Variants in HSP90AB1 observed in about 807,000 individuals in gnomAD.
The protein encoded by HSP90AB1 is heat shock protein 90 alpha family class B member 1.
In HSP90AB1, 17 loss-of-function variants were observed where a neutral mutation model predicts 67.8. The observed-to-expected ratio is 0.25, with a 90% CI of 0.17 to 0.38. The LOEUF (loss-of-function observed/expected upper bound fraction) is 0.38, where lower values mean the gene tolerates loss of function less well. Among genes scored for constraint, HSP90AB1 ranks in the 10% least tolerant of loss-of-function variants. HSP90AB1 has a pLI of 1.00. For missense variants in HSP90AB1, 690 were observed against 899.9 expected, an observed-to-expected ratio of 0.77 and a Z score of 2.98; for synonymous variants, 390 against 312.9, an observed-to-expected ratio of 1.25 and a Z score of -2.60.
chr6:44,250,062 A>G lies in HSP90AB1; in HGVS notation c.556A>G (p.Lys186Glu). 6.2e-7 allele frequency: 1 copy of G among 1,614,156 alleles called. No homozygotes were observed. Residue 186 changes from lysine to glutamate, a missense_variant, in exon 5 of 12, where the codon AAA (lysine) becomes GAA (glutamate). Coordinates refer to ENST00000371646, the MANE Select transcript of HSP90AB1 (RefSeq NM_007355.4). The part of the protein sequence containing the change: ...GRGTKVILHL[K>E]EDQTEYLEER... ...GGGTACCAAAGTGATCCTCCATCTT[A>G]AAGAAGATCAGACAGAGTACCTAGA...
Position 44,249,458 on chromosome 6 carries a change from C to T in HSP90AB1, c.229C>T (p.Pro77Ser). ...SGKELKIDII[P>S]NPQERTLTLV... ...TAAAGAGCTGAAAATTGACATCATC[C>T]CCAACCCTCAGGAACGTACCCTGAC... Residue 77 changes from proline (P) to serine (S), a missense_variant, in exon 3 of 12, where the codon CCC (proline) becomes TCC (serine). Physicochemically the swap from Pro to Ser is moderately conservative, Grantham distance 74. Around this residue, in one of 7 missense-constraint regions of HSP90AB1, gnomAD observed 88 missense variants for 167.7 expected, o/e 0.52. Coordinates refer to ENST00000371646, the MANE Select transcript of HSP90AB1 (RefSeq NM_007355.4). The T allele has an allele frequency of 6.2e-7, 1 of 1,613,954 alleles. No homozygotes were observed. The highest frequency in any genetic ancestry group is 8.5e-7 in the Non-Finnish European group (1 of 1,179,880).
rs766111101 is a variant in HSP90AB1 at position 44,253,248 on chromosome 6, C to G, written c.1935C>G (p.Asp645Glu). 4 of 1,614,110 alleles carry G rather than the reference C, an allele frequency of 2.5e-6. No homozygotes were observed. Among genetic ancestry groups the G allele is most frequent in the Non-Finnish European group, 2.5e-6 (3 of 1,180,050 alleles). Residue 645 changes from aspartate to glutamate, a missense_variant, in exon 11 of 12, where the codon GAC (aspartate) becomes GAG (glutamate). By Grantham distance (45) the Asp-to-Glu change is conservative. Transcript: ENST00000371646. ...VETLRQKAEA[D>E]KNDKAVKDLV... is the part of the protein sequence containing the mutation. ...CGCTGCGGCAGAAGGCTGAGGCCGA[C>G]AAGAATGATAAGGCAGTTAAGGACC...
At chr6:44,247,606 G>A (rs1249964564) in intron 1 of HSP90AB1, among the ~76,000 whole-genome samples, 1 of 152,238 alleles carries the variant, frequency 6.6e-6, no homozygotes, top group Non-Finnish European at 1.5e-5. Context: ...TGTGGGACTG[G>A]CTTTGTCACC....
rs749061618 is a variant in HSP90AB1, at chr6:44,251,852, A to G, written c.1430A>G (p.Lys477Arg). The G allele has an allele frequency of 1.2e-6, 2 of 1,612,896 alleles. No homozygotes were observed. The highest frequency in any genetic ancestry group is 2.2e-5 in the East Asian group (1 of 44,890). Residue 477 changes from lysine (K) to arginine (R), a missense_variant, in exon 9 of 12, where the codon AAG becomes AGG. Around this residue, in one of 7 missense-constraint regions of HSP90AB1, gnomAD observed 206 missense variants for 221.4 expected, o/e 0.93. Transcript: ENST00000371646. ...CTGTCAGAGTATGTTTCTCGCATGA[A>G]GGAGACACAGAAGTCCATCTATTAC... ...TSLSEYVSRMKETQKSIYYIT... is the reference protein window; with the variant it reads ...TSLSEYVSRMRETQKSIYYIT...
rs940078019 is a variant in HSP90AB1 at position 44,253,255 on chromosome 6, G to C, written c.1942G>C (p.Asp648His). The C allele has an allele frequency of 1.2e-6, 2 of 1,614,224 alleles. No homozygotes were observed. The highest frequency in any genetic ancestry group is 1.7e-6 in the Non-Finnish European group (2 of 1,180,034). ...LRQKAEADKN[D>H]KAVKDLVVLL... ...GCAGAAGGCTGAGGCCGACAAGAAT[G>C]ATAAGGCAGTTAAGGACCTGGTGGT... Residue 648 changes from aspartate (D) to histidine (H), a missense_variant, in exon 11 of 12, where the codon GAT (aspartate) becomes CAT (histidine). Around this residue, in one of 7 missense-constraint regions of HSP90AB1, gnomAD observed 120 missense variants for 153.5 expected, o/e 0.78. Coordinates refer to ENST00000371646, the MANE Select transcript of HSP90AB1 (RefSeq NM_007355.4).
rs752159202 is a variant in HSP90AB1 at position 44,253,706 on chromosome 6, AGT to A, written c.*111_*112del. 4.7e-4 allele frequency: 398 copies of A among 850,200 alleles called. 1 individual carries two copies. In the African/African-American group the frequency reaches 5.4e-3, roughly 11 times the overall value. 52.7% of individuals were successfully genotyped at this position (850,200 alleles called of 1,614,324 possible). A position where few individuals can be genotyped will look rare whatever the true frequency, so the allele number is the denominator to read the frequency against. ...CACCTGGCTCCCCCTGCTGGTGTCT[AGT>A]GTTTTTTTCCCTCTCCTGTCCTTGT... On this transcript the variant is annotated 3_prime_UTR_variant, in exon 12 of 12. Transcript: ENST00000371646.
chr6:44,247,616 C>G (rs1013393307), intron 1 of HSP90AB1, among the ~76,000 whole-genome samples: 1 of 152,176 alleles, frequency 6.6e-6, no homozygotes, highest in African/African-American at 2.4e-5. Flanking sequence ...GCTTTGTCAC[C>G]TCTCTTATCG....
At chr6:44,250,652 G>C in intron 6 of HSP90AB1, 53 bp downstream of exon 6, 1 of 974,202 alleles carries the variant, frequency 1.0e-6, no homozygotes, top group Non-Finnish European at 1.6e-6. Context: ...AGAGGAATGA[G>C]TTAGGTGGAA....
intron 10 of HSP90AB1, among the ~76,000 whole-genome samples, chr6:44,252,772 C>CAG (rs1349814449): frequency 6.6e-6 from 1 of 151,572 alleles, no homozygotes; most frequent in Non-Finnish European, 1.5e-5. Context: ...CTGGGATTAA[C>CAG]AGGCGCAAGC....
intron 10 of HSP90AB1, 29 bp from the exon 11 acceptor site, chr6:44,253,016 C>G (rs1168879461): frequency 1.3e-6 from 2 of 1,577,632 alleles, no homozygotes; most frequent in Non-Finnish European, 1.7e-6. Flanking sequence ...GTGGTAATGT[C>G]AATCTAAGGC....
chr6:44,250,045 A>G lies in HSP90AB1; in HGVS notation c.539A>G (p.Lys180Arg), dbSNP rs1337576995. Reference sequence around the variant, plus strand: ...GGTGAGCCCATTGGCAGGGGTACCAAAGTGATCCTCCATCTTAAAGAAGAT... The same window carrying G: ...GGTGAGCCCATTGGCAGGGGTACCAGAGTGATCCTCCATCTTAAAGAAGAT... ...DHGEPIGRGT[K>R]VILHLKEDQT... Residue 180 changes from lysine to arginine, a missense_variant, in exon 5 of 12, where the codon AAA (lysine) becomes AGA (arginine). Physicochemically the swap from Lys to Arg is conservative, Grantham distance 26 (BLOSUM62 2). Coordinates refer to ENST00000371646, the MANE Select transcript of HSP90AB1 (RefSeq NM_007355.4). 5.0e-6 allele frequency: 8 copies of G among 1,614,190 alleles called. No homozygotes were observed. The highest frequency in any genetic ancestry group is 1.3e-5 in the African/African-American group (1 of 75,060).
intron 1 of HSP90AB1, 71 bp downstream of exon 1, chr6:44,247,266 T>A (rs898958140): frequency 6.6e-6 from 1 of 152,324 alleles, no homozygotes; most frequent in Non-Finnish European, 1.5e-5. Flanking sequence ...TTTTTTTCTG[T>A]CCTTTAGGGA....
Position 44,253,578 on chromosome 6 carries a change from C to CGAGG in HSP90AB1, c.2156_2157insAGGG (p.Met720GlyfsTer9). On this transcript the variant is annotated frameshift_variant, in exon 12 of 12. Transcript: ENST00000371646. LOFTEE classifies it high-confidence loss of function. ...TCTCGAGGGCGATGAGGATGCGTCT[C>CGAGG]GCATGGAAGAAGTCGATTAGGTTAG... 1 of 1,613,848 alleles carries CGAGG rather than the reference C, an allele frequency of 6.2e-7. No individual in the cohort carries two copies. The highest frequency in any genetic ancestry group is 8.5e-7 in the Non-Finnish European group (1 of 1,179,726).
intron 10 of HSP90AB1, among the ~76,000 whole-genome samples, chr6:44,252,499 T>C (rs1182263725): frequency 1.3e-5 from 2 of 152,148 alleles, no homozygotes; most frequent in Non-Finnish European, 2.9e-5. Flanking sequence ...CATTTTCTTT[T>C]TTTTTTCTTT....
chr6:44,249,906 G>T, intron 4 of HSP90AB1, 72 bp downstream of exon 4: 1 of 1,584,028 alleles, frequency 6.3e-7, no homozygotes, highest in East Asian at 2.2e-5. Flanking sequence ...CAGAAATTTT[G>T]GGCATCCTGT....
In HSP90AB1 at chr6:44,251,564, G is replaced by C; in HGVS notation, c.1270G>C (p.Glu424Gln). The stretch of plus-strand genomic sequence containing the variant: ...CTTCTCTGAGCTGGCAGAAGACAAG[G>C]AGAATTACAAGAAATTCTATGAGGC... ...ELFSELAEDK[E>Q]NYKKFYEAFS... Residue 424 changes from glutamate to glutamine, a missense_variant, in exon 8 of 12, where the codon GAG becomes CAG. By Grantham distance (29) the Glu-to-Gln change is conservative. Coordinates refer to ENST00000371646, the MANE Select transcript of HSP90AB1 (RefSeq NM_007355.4). The C allele has an allele frequency of 1.9e-6, 3 of 1,609,652 alleles. No homozygotes were observed. Among genetic ancestry groups the C allele is most frequent in the Non-Finnish European group, 2.5e-6 (3 of 1,177,440 alleles).
chr6:44,252,792 T>C (rs1347677878), intron 10 of HSP90AB1, among the ~76,000 whole-genome samples: 1 of 150,534 alleles, frequency 6.6e-6, no homozygotes, highest in African/African-American at 2.5e-5. Flanking sequence ...CCACCATGCC[T>C]GGCCGATTTT....
At chr6:44,252,699 C>T (rs960444865) in intron 10 of HSP90AB1, among the ~76,000 whole-genome samples, 4 of 151,848 alleles carry the variant, frequency 2.6e-5, no homozygotes, top group Admixed American at 6.6e-5. Context: ...GGTTTCATCG[C>T]GTTAGCCAGG....
chr6:44,250,931 TG>T, intron 6 of HSP90AB1, 116 bp from the exon 7 acceptor site: 1 of 876,320 alleles, frequency 1.1e-6, no homozygotes, highest in East Asian at 2.4e-5. Context: ...AGCTGCTTGT[TG>T]TGTGTGCTCT....
Sources: gnomAD v4.1 joint callset for allele counts (sites outside exome capture counted in the v4.1 genomes callset) on GRCh38, gnomAD v4.1.1 for gene constraint, gnomAD v4.1.1 regional missense constraint, MANE v1.5 for transcripts, NCBI Gene and HGNC (gene_info 2026-07-23, HGNC 2026-07-21) for gene names.